Variants in TOP2A observed in about 807,000 individuals in gnomAD.
TOP2A encodes DNA topoisomerase 2-alpha.
In TOP2A, 68 loss-of-function variants were observed where a neutral mutation model predicts 187.2. That is an observed-to-expected ratio of 0.36 (90% CI 0.30 to 0.44). TOP2A has a LOEUF of 0.44. TOP2A is among the 20% of genes least tolerant of loss of function. The pLI, the probability that TOP2A is intolerant of heterozygous loss-of-function variation, is 1.00. For synonymous variants in TOP2A, 542 were observed against 593.2 expected (o/e 0.91, Z 1.25); for missense variants, 1,196 against 1,808.7 (o/e 0.66, Z 6.14).
At chr17:40,399,756 C>G in intron 24 of TOP2A, 116 bp downstream of exon 24, 1 of 743,180 alleles carries the variant, frequency 1.3e-6, no homozygotes, top group Non-Finnish European at 2.2e-6. Flanking sequence ...GTATAAGTGA[C>G]CAGGTGAATT....
In TOP2A at chr17:40,392,688, T is replaced by C. The variant is rs2143624681; in HGVS notation, c.3861A>G (p.Lys1287=). 6.2e-7 allele frequency: 1 copy of C among 1,612,622 alleles called. No individual in the cohort carries two copies. The highest frequency in any genetic ancestry group is 1.3e-5 in the African/African-American group (1 of 75,040). ...CAGACCAGGGATTTCTCTTCTTTCC[T>C]TTTTTGATTGGCTTAAATGCCAATG... is the stretch of plus-strand genomic sequence containing the variant. The part of the protein sequence containing the change: ...QTTLAFKPIK[K]GKKRNPWSDS... Residue 1287 remains lysine (K), a synonymous_variant, in exon 30 of 35, where the codon AAA becomes AAG. Coordinates refer to ENST00000423485, the MANE Select transcript of TOP2A (RefSeq NM_001067.4).
chr17:40,409,353 G>T, intron 10 of TOP2A: 1 of 405,432 alleles, frequency 2.5e-6, no homozygotes, highest in Non-Finnish European at 4.8e-6. Context: ...TCCAGCCTGG[G>T]AAACAGTGAG....
intron 5 of TOP2A, 43 bp downstream of exon 5, chr17:40,413,437 A>G: frequency 6.9e-7 from 1 of 1,454,498 alleles, no homozygotes; most frequent in Non-Finnish European, 9.2e-7. Context: ...TTAAATATAT[A>G]TATTTTTAGC....
intron 10 of TOP2A, chr17:40,408,943 C>T (rs1170357556): frequency 6.4e-6 from 3 of 468,190 alleles, no homozygotes; most frequent in Non-Finnish European, 1.3e-5. Context: ...GCCTATAATC[C>T]CAGCACTTTA....
chr17:40,396,889 G>GT lies in TOP2A; in HGVS notation c.3538-425dup, dbSNP rs1046671324. On this transcript the variant is annotated intron_variant, in intron 27 of 34. Transcript: ENST00000423485. ...AATTTAAGAAATAAAGCTTTTGGTG[G>GT]TTTTTTTTTTGTTTTTTTTTTTTTA... Among the ~76,000 whole-genome samples, 486 of 145,036 alleles carry GT rather than the reference G, an allele frequency of 3.4e-3. 2 individuals carry two copies. The highest frequency in any genetic ancestry group is 7.5e-3 in the African/African-American group (295 of 39,422).
At chr17:40,399,757 C>G in intron 24 of TOP2A, 115 bp downstream of exon 24, 1 of 747,522 alleles carries the variant, frequency 1.3e-6, no homozygotes, top group Non-Finnish European at 2.1e-6. Context: ...TATAAGTGAC[C>G]AGGTGAATTA....
chr17:40,393,585 G>A (rs568568806), intron 29 of TOP2A, among the ~76,000 whole-genome samples: 2 of 152,312 alleles, frequency 1.3e-5, no homozygotes, highest in African/African-American at 4.8e-5. Flanking sequence ...AACATTTATA[G>A]TCAATTGATT....
chr17:40,404,991 T>C (rs2143659817), intron 16 of TOP2A, 108 bp from the exon 17 acceptor site: 2 of 166,380 alleles, frequency 1.2e-5, no homozygotes, highest in East Asian at 1.6e-4. Flanking sequence ...ACTGTTTTCC[T>C]TTTTTTTTTT....
At chr17:40,413,657 C>T in intron 4 of TOP2A, 32 bp from the exon 5 acceptor site, 1 of 1,082,272 alleles carries the variant, frequency 9.2e-7, no homozygotes, top group Non-Finnish European at 1.3e-6. Context: ...TTGTATTTTA[C>T]AACACATTAA....
chr17:40,407,952 C>A lies in TOP2A; in HGVS notation c.1500+15G>T, dbSNP rs1567788381. On this transcript the variant is annotated intron_variant, in intron 12 of 34. Transcript: ENST00000423485. ...TAAATTAGATTTAGATTCTGAAGAT[C>A]GTCTTATATTCTACCTGCTTATGAG... is the stretch of plus-strand genomic sequence containing the variant. 6.3e-7 allele frequency: 1 copy of A among 1,590,762 alleles called. No homozygotes were observed. The highest frequency in any genetic ancestry group is 1.1e-5 in the South Asian group (1 of 88,024).
At chr17:40,399,748 A>G in intron 24 of TOP2A, 124 bp downstream of exon 24, 1 of 710,708 alleles carries the variant, frequency 1.4e-6, no homozygotes, top group Non-Finnish European at 2.3e-6. Flanking sequence ...AAATGCGTGT[A>G]TAAGTGACCA....
intron 13 of TOP2A, 45 bp from the exon 14 acceptor site, chr17:40,406,987 G>T: frequency 6.9e-7 from 1 of 1,453,010 alleles, no homozygotes; most frequent in Non-Finnish European, 9.5e-7. Flanking sequence ...TGTTAGGCTG[G>T]GCGTGGTAGC....
At position 40,402,952 on chromosome 17, in the gene TOP2A, C is replaced by T; in HGVS notation, c.2386G>A (p.Gly796Ser). 6.2e-7 allele frequency: 1 copy of T among 1,609,130 alleles called. No individual in the cohort carries two copies. The highest frequency in any genetic ancestry group is 1.7e-5 in the Admixed American group (1 of 59,338). ...CGTGGACTAGCAGAATCCTTGCCAC[C>T]ATGTAGCCTGGTACCAAACTGACCA... ...PIGQFGTRLHGGKDSASPRYI... is the reference protein window; with the variant it reads ...PIGQFGTRLHSGKDSASPRYI... The change falls in exon 20 of 35, where the codon GGT becomes AGT. Residue 796 changes from glycine to serine, a missense_variant. Physicochemically the swap from Gly to Ser is moderately conservative, Grantham distance 56 (BLOSUM62 0). Around this residue, in one of 10 missense-constraint regions of TOP2A, gnomAD observed 209 missense variants for 376.9 expected, o/e 0.55. Coordinates refer to ENST00000423485, the MANE Select transcript of TOP2A (RefSeq NM_001067.4).
Position 40,413,540 on chromosome 17 carries a change from G to T in TOP2A, c.418C>A (p.Leu140Ile). The change falls in exon 5 of 35, where the codon CTC becomes ATC. Residue 140 changes from leucine to isoleucine, a missense_variant. By Grantham distance (5) the Leu-to-Ile change is conservative. Around this residue, in one of 10 missense-constraint regions of TOP2A, gnomAD observed 97 missense variants for 171.0 expected, o/e 0.57. Transcript: ENST00000423485. ...HKVEKMYVPA[L>I]IFGQLLTSSN... ...GAAGTTAGGAGCTGTCCAAATATGAGAGCTGGGACATACATCTTTTCAACT... is the reference window on the plus strand; with the variant it reads ...GAAGTTAGGAGCTGTCCAAATATGATAGCTGGGACATACATCTTTTCAACT... The T allele has an allele frequency of 6.5e-7, 1 of 1,540,844 alleles. No individual in the cohort carries two copies. The highest frequency in any genetic ancestry group is 8.8e-7 in the Non-Finnish European group (1 of 1,140,072).
intron 33 of TOP2A, among the ~76,000 whole-genome samples, 169 bp from the exon 34 acceptor site, chr17:40,390,333 C>T (rs1279710593): frequency 1.3e-5 from 2 of 151,788 alleles, no homozygotes; most frequent in East Asian, 2.0e-4. Context: ...GGATTACAGG[C>T]GTGTGCCACC....
intron 22 of TOP2A, 57 bp downstream of exon 22, chr17:40,400,472 G>A: frequency 1.9e-6 from 3 of 1,600,864 alleles, no homozygotes; most frequent in Admixed American, 3.5e-5. Flanking sequence ...AACAGCAATA[G>A]TACAAAAGGT....
At chr17:40,417,677 G>T in intron 1 of TOP2A, 94 bp downstream of exon 1, 1 of 1,589,506 alleles carries the variant, frequency 6.3e-7, no homozygotes, top group South Asian at 1.1e-5. Flanking sequence ...TCGCCGGCCT[G>T]ACCGCAGCCC....
intron 10 of TOP2A, chr17:40,409,461 C>G (rs2035292011): frequency 2.2e-6 from 1 of 449,300 alleles, no homozygotes; most frequent in Non-Finnish European, 4.5e-6. Context: ...TAAGACACAA[C>G]ATAGAAGACA....
chr17:40,399,861 C>A lies in TOP2A; in HGVS notation c.3196+11G>T. The A allele has an allele frequency of 6.3e-7, 1 of 1,583,194 alleles. No homozygotes were observed. ...GAGTTTTAGTAAGCAGTTATTATTC[C>A]CAAAACATACCAATGATTATTTTGC... On this transcript the variant is annotated intron_variant, in intron 24 of 34. Transcript: ENST00000423485.
Sources: gnomAD v4.1 joint callset for allele counts (sites outside exome capture counted in the v4.1 genomes callset) on GRCh38, gnomAD v4.1.1 for gene constraint, gnomAD v4.1.1 regional missense constraint, MANE v1.5 for transcripts, NCBI Gene and HGNC (gene_info 2026-07-23, HGNC 2026-07-21) for gene names.